Variants in GRIK2 observed in about 807,000 individuals in gnomAD.
GRIK2 encodes the protein glutamate receptor ionotropic, kainate 2.
In GRIK2, 32 loss-of-function variants were observed where a neutral mutation model predicts 100.3. That is an observed-to-expected ratio of 0.32 (90% CI 0.24 to 0.43). The LOEUF is 0.43. GRIK2 is among the 20% of genes least tolerant of loss of function. The pLI, the probability that GRIK2 is intolerant of heterozygous loss-of-function variation, is 1.00. For missense variants in GRIK2, 843 were observed against 1,114.9 expected (o/e 0.76, Z 3.47); for synonymous variants, 417 against 389.4 (o/e 1.07, Z -0.83).
At chr6:101,543,710 A>T (rs561180476) in intron 2 of GRIK2, among the ~76,000 whole-genome samples, 28 of 152,338 alleles carry the variant, frequency 1.8e-4, no homozygotes, top group African/African-American at 6.3e-4. Context: ...ATTCTCATGT[A>T]ACATGGGGAT....
intron 7 of GRIK2, among the ~76,000 whole-genome samples, chr6:101,698,168 G>T (rs1294056324): frequency 8.3e-5 from 5 of 60,070 alleles, no homozygotes; most frequent in Non-Finnish European, 2.3e-4. Flanking sequence ...AATTGTTGAT[G>T]CTTTTTTTTC....
At chr6:101,642,543 C>T (rs1275678585) in intron 4 of GRIK2, among the ~76,000 whole-genome samples, 2 of 151,618 alleles carry the variant, frequency 1.3e-5, no homozygotes, top group Admixed American at 6.6e-5. Flanking sequence ...CAAGGTTCAT[C>T]GATGTTGCTG....
intron 2 of GRIK2, among the ~76,000 whole-genome samples, chr6:101,588,391 G>A (rs974785679): frequency 6.6e-6 from 1 of 152,026 alleles, no homozygotes; most frequent in African/African-American, 2.4e-5. Context: ...GGGGCGGGGA[G>A]GATCAGGGTA....
At chr6:102,057,129 A>G (rs2252473) in intron 16 of GRIK2, among the ~76,000 whole-genome samples, 61,227 of 151,728 alleles carry the variant, frequency 0.4, 12,486 homozygotes, top group Middle Eastern at 0.48. Flanking sequence ...TTGTCAGTAA[A>G]TGTGGTATTT....
At chr6:101,514,759 CTT>C (rs1312200635) in intron 2 of GRIK2, among the ~76,000 whole-genome samples, 2 of 151,996 alleles carry the variant, frequency 1.3e-5, no homozygotes, top group Non-Finnish European at 2.9e-5. Flanking sequence ...TAACATGTCT[CTT>C]TAAGTTTTTT....
chr6:101,728,666 C>T (rs1023222247), intron 7 of GRIK2, among the ~76,000 whole-genome samples: 6 of 151,974 alleles, frequency 3.9e-5, no homozygotes, highest in African/African-American at 1.4e-4. Flanking sequence ...TAACAATACA[C>T]AGAGTAAGCA....
intron 2 of GRIK2, among the ~76,000 whole-genome samples, chr6:101,557,439 A>G (rs1256442807): frequency 2.0e-5 from 3 of 152,190 alleles, no homozygotes; most frequent in Admixed American, 2.0e-4. Flanking sequence ...ATGTTTTGTT[A>G]ACTAAACACC....
chr6:101,572,752 CTTTT>C (rs200522647), intron 2 of GRIK2, among the ~76,000 whole-genome samples: 26 of 79,286 alleles, frequency 3.3e-4, no homozygotes, highest in African/African-American at 9.1e-4. Flanking sequence ...GCCTCAGTTT[CTTTT>C]TTTTTTTTTT....
chr6:101,686,659 A>G (rs1771722139), intron 7 of GRIK2, among the ~76,000 whole-genome samples: 1 of 152,128 alleles, frequency 6.6e-6, no homozygotes, highest in Non-Finnish European at 1.5e-5. Context: ...CTGAAAGAAG[A>G]CATACATCTG....
intron 10 of GRIK2, among the ~76,000 whole-genome samples, chr6:101,848,145 A>T (rs536366539): frequency 6.6e-6 from 1 of 152,234 alleles, no homozygotes; most frequent in South Asian, 2.1e-4. Flanking sequence ...ACTATCTTCA[A>T]GACTGTTGTG....
chr6:102,068,415 T>C lies in GRIK2; in HGVS notation c.2631T>C (p.His877=). 1 of 1,611,960 alleles carries C rather than the reference T, an allele frequency of 6.2e-7. No individual in the cohort carries two copies. Among genetic ancestry groups the C allele is most frequent in the Non-Finnish European group, 8.5e-7 (1 of 1,178,480 alleles). ...MSLKCQRRLK[H]KPQAPVIVKT... ...TGAAGTGCCAGCGTCGGTTAAAACA[T>C]AAGCCACAGGCCCCAGTTATTGTGA... The change falls in exon 17 of 17, where the codon CAT becomes CAC. Residue 877 remains histidine, a synonymous_variant. Transcript: ENST00000369134.
At chr6:101,609,879 T>C (rs1779596764) in intron 2 of GRIK2, among the ~76,000 whole-genome samples, 1 of 151,662 alleles carries the variant, frequency 6.6e-6, no homozygotes, top group Admixed American at 6.6e-5. Context: ...ATATGAGGAA[T>C]AGATAGATAT....
At chr6:101,793,702 C>T (rs188291743) in intron 7 of GRIK2, among the ~76,000 whole-genome samples, 1,782 of 152,272 alleles carry the variant, frequency 0.012, 29 homozygotes, top group African/African-American at 0.041. Context: ...TCTCAGATCT[C>T]CAGCTGCCTG....
chr6:101,983,318 T>C (rs1265877719), intron 14 of GRIK2, among the ~76,000 whole-genome samples: 1 of 151,838 alleles, frequency 6.6e-6, no homozygotes, highest in Non-Finnish European at 1.5e-5. Context: ...TGTTTTTGCA[T>C]GTTAGTTTAA....
rs573838634 is a variant in GRIK2 at position 101,827,988 on chromosome 6, C to A, written c.1317+9505C>A. Among the ~76,000 whole-genome samples the A allele has an allele frequency of 2.8e-3, 432 of 152,092 alleles. 2 individuals are homozygous for A. Among genetic ancestry groups the A allele is most frequent in the Admixed American group, 4.5e-3 (68 of 15,258 alleles). On this transcript the variant is annotated intron_variant, in intron 10 of 16. Transcript: ENST00000369134. ...CCCACAGAATATACATTCTTCTCAT[C>A]TGCACACATAACATACTCTAAGATT...
chr6:101,424,621 G>A (rs1027322978), intron 2 of GRIK2, among the ~76,000 whole-genome samples: 10 of 150,152 alleles, frequency 6.7e-5, no homozygotes, highest in Non-Finnish European at 1.0e-4. Flanking sequence ...CAATGTGCAG[G>A]TTTGTTACAT....
At chr6:101,877,299 G>A (rs1290934891) in intron 11 of GRIK2, among the ~76,000 whole-genome samples, 2 of 151,854 alleles carry the variant, frequency 1.3e-5, no homozygotes, top group Admixed American at 1.3e-4. Flanking sequence ...GAAAATACCA[G>A]GGCTAGGGAA....
At chr6:102,006,060 A>G (rs991970067) in intron 14 of GRIK2, among the ~76,000 whole-genome samples, 1 of 151,988 alleles carries the variant, frequency 6.6e-6, no homozygotes, top group African/African-American at 2.4e-5. Context: ...AAAGGCATCT[A>G]TCTCCAAATA....
intron 14 of GRIK2, among the ~76,000 whole-genome samples, chr6:102,001,363 C>G (rs182816633): frequency 1.3e-5 from 2 of 151,742 alleles, no homozygotes; most frequent in African/African-American, 4.8e-5. Context: ...CCTTGTTCCC[C>G]ACCCCCCGAC....
Sources: gnomAD v4.1 joint callset for allele counts (sites outside exome capture counted in the v4.1 genomes callset) on GRCh38, gnomAD v4.1.1 for gene constraint, MANE v1.5 for transcripts, NCBI Gene and HGNC (gene_info 2026-07-23, HGNC 2026-07-21) for gene names.